SUPT3H: variants seen among roughly 807,000 people sequenced by gnomAD.
SUPT3H encodes SPT3 homolog, SAGA and STAGA complex component.
Under a neutral mutation model 44.3 loss-of-function variants are expected in SUPT3H, and 44 were observed. The observed-to-expected ratio is 0.99, with a 90% CI of 0.78 to 1.28. The LOEUF (loss-of-function observed/expected upper bound fraction) is 1.28. Ranked by LOEUF, SUPT3H falls within the 50% of genes most tolerant of loss-of-function variation. The probability of loss-of-function intolerance (pLI) is 0.00; values close to 1 mark genes in which losing one functional copy is unlikely to be tolerated. For missense variants in SUPT3H, 380 were observed against 387.1 expected (o/e 0.98, Z 0.15); for synonymous variants, 124 against 125.6 (o/e 0.99, Z 0.09).
chr6:45,068,373 T>G (rs1793778126), intron 3 of SUPT3H, among the ~76,000 whole-genome samples: 2 of 136,162 alleles, frequency 1.5e-5, no homozygotes, highest in African/African-American at 2.8e-5. Flanking sequence ...AGATGACGAG[T>G]TAGTGGGTGC....
chr6:45,291,230 T>A (rs1405977260), intron 2 of SUPT3H, among the ~76,000 whole-genome samples: 2 of 152,032 alleles, frequency 1.3e-5, no homozygotes, highest in African/African-American at 4.8e-5. Flanking sequence ...GGAAGCCACA[T>A]CCATGGGAAA....
chr6:45,180,765 CT>C (rs1425397304), intron 2 of SUPT3H, among the ~76,000 whole-genome samples: 1 of 152,044 alleles, frequency 6.6e-6, no homozygotes, highest in African/African-American at 2.4e-5. Context: ...CATAAAAACC[CT>C]GGAAGAAAAC....
intron 3 of SUPT3H, among the ~76,000 whole-genome samples, chr6:45,065,967 A>G (rs1356739881): frequency 7.1e-6 from 1 of 140,532 alleles, no homozygotes. Context: ...TTATGAGGCC[A>G]GCATCATTCT....
At chr6:45,146,586 T>C (rs1350735179) in intron 2 of SUPT3H, among the ~76,000 whole-genome samples, 1 of 152,094 alleles carries the variant, frequency 6.6e-6, no homozygotes, top group Non-Finnish European at 1.5e-5. Flanking sequence ...GAAATAAAAA[T>C]AAAATAGATA....
At chr6:45,046,327 T>C (rs1247171944) in intron 3 of SUPT3H, among the ~76,000 whole-genome samples, 1 of 152,144 alleles carries the variant, frequency 6.6e-6, no homozygotes, top group Non-Finnish European at 1.5e-5. Flanking sequence ...TGCTTGTTTT[T>C]TTTTGTTTGT....
chr6:44,891,702 A>C (rs990841312), intron 10 of SUPT3H, among the ~76,000 whole-genome samples: 11 of 152,196 alleles, frequency 7.2e-5, no homozygotes, highest in African/African-American at 2.6e-4. Flanking sequence ...CAACACTGTG[A>C]ATGTACTGAA....
intron 3 of SUPT3H, among the ~76,000 whole-genome samples, chr6:45,061,996 T>C (rs918782191): frequency 2.0e-5 from 3 of 151,186 alleles, no homozygotes; most frequent in Non-Finnish European, 4.4e-5. Context: ...ACACACACTA[T>C]TAAAATTAGT....
chr6:44,927,152 T>C (rs1351165744), intron 10 of SUPT3H, among the ~76,000 whole-genome samples: 1 of 152,138 alleles, frequency 6.6e-6, no homozygotes, highest in Admixed American at 6.5e-5. Context: ...ATGTGTATTA[T>C]GAAGCTATTA....
intron 11 of SUPT3H, among the ~76,000 whole-genome samples, chr6:44,818,950 CA>C (rs979504147): frequency 1.3e-5 from 2 of 152,182 alleles, no homozygotes; most frequent in Admixed American, 6.5e-5. Flanking sequence ...TACCATGAGT[CA>C]GTAATCCCAC....
intron 2 of SUPT3H, among the ~76,000 whole-genome samples, chr6:45,130,712 C>T (rs10948203): frequency 0.41 from 36,057 of 88,806 alleles, 6,921 homozygotes; most frequent in East Asian, 0.59. Context: ...AAAAAAACCA[C>T]TTTTTTTTTT....
intron 9 of SUPT3H, among the ~76,000 whole-genome samples, chr6:44,945,567 T>A (rs555801318): frequency 6.6e-6 from 1 of 152,148 alleles, no homozygotes; most frequent in East Asian, 1.9e-4. Context: ...AATGTTTCAG[T>A]AGGATGAATA....
chr6:44,934,257 C>G (rs1771059553), intron 9 of SUPT3H, among the ~76,000 whole-genome samples: 2 of 152,106 alleles, frequency 1.3e-5, no homozygotes, highest in South Asian at 4.2e-4. Context: ...CTCTTTTACT[C>G]AGCAATTTCA....
intron 2 of SUPT3H, among the ~76,000 whole-genome samples, chr6:45,253,771 G>A (rs1718725156): frequency 6.7e-6 from 1 of 149,986 alleles, no homozygotes. Context: ...CGAGGCAACA[G>A]ACCAAGACCC....
chr6:45,296,569 T>A (rs1437257541), intron 2 of SUPT3H, among the ~76,000 whole-genome samples: 1 of 151,440 alleles, frequency 6.6e-6, no homozygotes, highest in Non-Finnish European at 1.5e-5. Context: ...TGAAACCCCG[T>A]CTCTACTAAA....
chr6:45,024,776 G>A (rs977261640), intron 3 of SUPT3H, among the ~76,000 whole-genome samples: 1 of 152,142 alleles, frequency 6.6e-6, no homozygotes, highest in Admixed American at 6.6e-5. Context: ...GTAGCAGACT[G>A]TCCTCCTTAA....
chr6:44,870,851 AGG>A (rs902232905), intron 10 of SUPT3H, among the ~76,000 whole-genome samples: 28 of 151,822 alleles, frequency 1.8e-4, no homozygotes, highest in Non-Finnish European at 3.5e-4. Flanking sequence ...GCAAGGGGTC[AGG>A]GAGTTCCCTT....
intron 2 of SUPT3H, among the ~76,000 whole-genome samples, chr6:45,287,340 GC>G (rs1292402648): frequency 6.6e-6 from 1 of 152,122 alleles, no homozygotes; most frequent in Non-Finnish European, 1.5e-5. Flanking sequence ...ATTCACAATA[GC>G]CAAAAGGTCA....
intron 9 of SUPT3H, among the ~76,000 whole-genome samples, chr6:44,941,838 C>A (rs1772494726): frequency 6.6e-6 from 1 of 152,130 alleles, no homozygotes; most frequent in Non-Finnish European, 1.5e-5. Context: ...ATTATAGCAT[C>A]ATAGCTGAGG....
intron 4 of SUPT3H, among the ~76,000 whole-genome samples, chr6:45,017,652 T>C (rs1474434628): frequency 6.6e-6 from 1 of 150,640 alleles, no homozygotes; most frequent in African/African-American, 2.4e-5. Flanking sequence ...GACCAGATAG[T>C]TGTAGATATG....
Sources: gnomAD v4.1 joint callset for allele counts (sites outside exome capture counted in the v4.1 genomes callset) on GRCh38, gnomAD v4.1.1 for gene constraint, MANE v1.5 for transcripts, NCBI Gene and HGNC (gene_info 2026-07-23, HGNC 2026-07-21) for gene names.